Variants in GRIA2 observed in about 807,000 individuals in gnomAD.
GRIA2 encodes glutamate ionotropic receptor AMPA type subunit 2, also known as glutamate receptor 2.
Under a neutral mutation model 97.3 loss-of-function variants are expected in GRIA2, and 14 were observed. The observed-to-expected ratio is 0.14, with a 90% CI of 0.10 to 0.23. The LOEUF is 0.23. Among genes scored for constraint, GRIA2 ranks in the 10% least tolerant of loss-of-function variants. The probability of loss-of-function intolerance (pLI) is 1.00; values close to 1 mark genes in which losing one functional copy is unlikely to be tolerated. For synonymous variants in GRIA2, 412 were observed against 387.8 expected, an observed-to-expected ratio of 1.06 and a Z score of -0.73; for missense variants, 558 against 1,069.8, an observed-to-expected ratio of 0.52 and a Z score of 6.67.
intron 4 of GRIA2, among the ~76,000 whole-genome samples, chr4:157,314,700 C>T (rs1402267012): frequency 3.9e-5 from 6 of 151,976 alleles, no homozygotes; most frequent in Non-Finnish European, 8.8e-5. Context: ...ACTACAAAAG[C>T]AAACGGGAAT....
chr4:157,290,428 A>T (rs1560749729), intron 2 of GRIA2, among the ~76,000 whole-genome samples: 4 of 151,664 alleles, frequency 2.6e-5, no homozygotes. Flanking sequence ...CTTCCTCATT[A>T]ATATTCATGT....
At chr4:157,306,418 G>A (rs188963669) in intron 3 of GRIA2, among the ~76,000 whole-genome samples, 94 of 152,182 alleles carry the variant, frequency 6.2e-4, no homozygotes, top group Admixed American at 2.5e-3. Context: ...TGAAATTGAA[G>A]TGATGAGATA....
At position 157,270,256 on chromosome 4, in the gene GRIA2, G is replaced by A. The variant is rs116738578; in HGVS notation, c.230-33296G>A. ...TTTCCAGAAAGTTGGTGTGTGTTCC[G>A]TGTAATGACACCTGGAAGTCCTGGC... On this transcript the variant is annotated intron_variant, in intron 2 of 15. Transcript: ENST00000264426. Among the ~76,000 whole-genome samples the A allele has an allele frequency of 2.7e-3, 414 of 152,122 alleles. 4 individuals carry two copies. The highest frequency in any genetic ancestry group is 9.3e-3 in the African/African-American group (388 of 41,516).
At chr4:157,259,325 A>C (rs1174019697) in intron 2 of GRIA2, among the ~76,000 whole-genome samples, 1 of 152,152 alleles carries the variant, frequency 6.6e-6, no homozygotes, top group Non-Finnish European at 1.5e-5. Context: ...ATGCTCCAGC[A>C]TACTGGGATT....
chr4:157,342,620 A>T (rs563357615), intron 12 of GRIA2: 2 of 193,534 alleles, frequency 1.0e-5, no homozygotes, highest in Admixed American at 1.3e-4. Context: ...GTGTATGAAT[A>T]CTCGGTTTAA....
chr4:157,273,056 C>A (rs1732106106), intron 2 of GRIA2, among the ~76,000 whole-genome samples: 1 of 151,810 alleles, frequency 6.6e-6, no homozygotes, highest in South Asian at 2.1e-4. Context: ...AGAGAGAAAC[C>A]AACAATACAA....
At chr4:157,221,321 T>C (rs1267448674) in intron 1 of GRIA2, 191 bp downstream of exon 1, 1 of 570,510 alleles carries the variant, frequency 1.8e-6, no homozygotes, top group African/African-American at 1.9e-5. Flanking sequence ...TTTGATACAA[T>C]AGAAGAAAAG....
intron 2 of GRIA2, among the ~76,000 whole-genome samples, chr4:157,299,828 TTTAC>T (rs1733534764): frequency 6.6e-6 from 1 of 152,208 alleles, no homozygotes; most frequent in Admixed American, 6.5e-5. Context: ...TGAGAGCATC[TTTAC>T]TTACTCCTTT....
In GRIA2 at chr4:157,234,566, A is replaced by G. The variant is rs140358335; in HGVS notation, c.229+12759A>G. Among the ~76,000 whole-genome samples, 9 of 152,272 alleles carry G rather than the reference A, an allele frequency of 5.9e-5. No homozygotes were observed. In the East Asian group the frequency reaches 1.7e-3, roughly 29 times the overall value. The stretch of plus-strand genomic sequence containing the variant: ...ACATTTAGTGTGAATATCTGATACT[A>G]TTCAGTTACCAATTCCACCACTGAT... On this transcript the variant is annotated intron_variant, in intron 2 of 15. Transcript: ENST00000264426.
intron 4 of GRIA2, among the ~76,000 whole-genome samples, chr4:157,315,320 T>C (rs1432482594): frequency 6.6e-6 from 1 of 151,518 alleles, no homozygotes; most frequent in African/African-American, 2.4e-5. Flanking sequence ...TTAATTTAGA[T>C]TGGGATATTG....
At chr4:157,330,117 C>A (rs575415229) in intron 6 of GRIA2, among the ~76,000 whole-genome samples, 2 of 151,948 alleles carry the variant, frequency 1.3e-5, no homozygotes, top group East Asian at 3.9e-4. Context: ...TCCCTACCTT[C>A]CTTTTCAACG....
intron 12 of GRIA2, among the ~76,000 whole-genome samples, chr4:157,359,635 T>C (rs1264169380): frequency 6.6e-6 from 1 of 152,168 alleles, no homozygotes; most frequent in Non-Finnish European, 1.5e-5. Context: ...ATTGTGACTA[T>C]TTCAGATTAC....
chr4:157,319,178 CT>C (rs1734448440), intron 5 of GRIA2, among the ~76,000 whole-genome samples: 1 of 152,138 alleles, frequency 6.6e-6, no homozygotes, highest in Non-Finnish European at 1.5e-5. Context: ...TGTATTCAGT[CT>C]CTCCAGAACC....
At chr4:157,247,318 G>T (rs770325417) in intron 2 of GRIA2, among the ~76,000 whole-genome samples, 12 of 152,134 alleles carry the variant, frequency 7.9e-5, no homozygotes, top group Non-Finnish European at 1.6e-4. Context: ...GAATATGTTT[G>T]GTACATGAAT....
intron 2 of GRIA2, among the ~76,000 whole-genome samples, chr4:157,261,884 C>T (rs1466211252): frequency 6.6e-6 from 1 of 152,002 alleles, no homozygotes; most frequent in Non-Finnish European, 1.5e-5. Flanking sequence ...CAAATCAGTT[C>T]CTGCATCAGT....
chr4:157,320,899 A>G (rs1734532194), intron 5 of GRIA2, among the ~76,000 whole-genome samples: 4 of 152,218 alleles, frequency 2.6e-5, no homozygotes, highest in Admixed American at 2.6e-4. Flanking sequence ...AAGATTTAAT[A>G]TATTCTATAA....
At chr4:157,253,703 A>G (rs1212636405) in intron 2 of GRIA2, among the ~76,000 whole-genome samples, 1 of 152,122 alleles carries the variant, frequency 6.6e-6, no homozygotes, top group African/African-American at 2.4e-5. Context: ...ATAGAAATCA[A>G]AATGATTAAT....
chr4:157,333,066 C>T, intron 7 of GRIA2, 80 bp downstream of exon 7: 1 of 1,185,534 alleles, frequency 8.4e-7, no homozygotes, highest in Admixed American at 2.5e-5. Context: ...TCATCCTTGT[C>T]TTATTCCTTG....
intron 2 of GRIA2, among the ~76,000 whole-genome samples, chr4:157,269,496 T>G (rs761563955): frequency 1.2e-4 from 18 of 152,188 alleles, no homozygotes; most frequent in Non-Finnish European, 2.2e-4. Flanking sequence ...GGTAGGTAAC[T>G]TGGCCAAGAT....
Sources: gnomAD v4.1 joint callset for allele counts (sites outside exome capture counted in the v4.1 genomes callset) on GRCh38, gnomAD v4.1.1 for gene constraint, MANE v1.5 for transcripts, NCBI Gene and HGNC (gene_info 2026-07-23, HGNC 2026-07-21) for gene names.